PGR: variants seen among roughly 807,000 people sequenced by gnomAD.
The protein encoded by PGR is progesterone receptor.
A neutral mutation model predicts 76.1 loss-of-function variants in PGR; 25 were observed. The ratio of observed to expected loss-of-function variants is 0.33; its 90% CI spans 0.24 to 0.46. The LOEUF (loss-of-function observed/expected upper bound fraction) is 0.46, where lower values mean the gene tolerates loss of function less well. Among genes scored for constraint, PGR ranks in the 20% least tolerant of loss-of-function variants. PGR has a pLI of 1.00. For missense variants in PGR, 1,172 were observed against 1,225.3 expected, an observed-to-expected ratio of 0.96 and a Z score of 0.65; for synonymous variants, 579 against 535.0, an observed-to-expected ratio of 1.08 and a Z score of -1.14.
chr11:101,086,726 T>G lies in PGR; in HGVS notation c.1906+5034A>C, dbSNP rs565664668. Among the ~76,000 whole-genome samples, 7 of 152,276 alleles carry G rather than the reference T, an allele frequency of 4.6e-5. No individual in the cohort carries two copies. The South Asian group carries it at 1.4e-3, about 32-fold the overall frequency. ...AAGGCTCCTAAAACTGATAAATGACTTCAGTAAAGTTTCAGGACACAAAAT... is the reference window on the plus strand; with the variant it reads ...AAGGCTCCTAAAACTGATAAATGACGTCAGTAAAGTTTCAGGACACAAAAT... On this transcript the variant is annotated intron_variant, in intron 3 of 7. Transcript: ENST00000325455.
At chr11:101,062,991 A>C in intron 3 of PGR, 8 of 390,898 alleles carry the variant, frequency 2.0e-5, no homozygotes, top group Middle Eastern at 7.3e-4. Context: ...TACATCAACA[A>C]TCACTGGGTG....
At position 101,038,182 on chromosome 11, in the gene PGR, C is replaced by T. The variant is rs1859574928; in HGVS notation, c.*934G>A. On this transcript the variant is annotated 3_prime_UTR_variant, in exon 8 of 8. Coordinates refer to ENST00000325455, the MANE Select transcript of PGR (RefSeq NM_000926.4). ...GTGAATTGATACCTCCCTCCTCCTCCTCTCCCTTTCTTCTTTCCTTTGATT... is the reference window on the plus strand; with the variant it reads ...GTGAATTGATACCTCCCTCCTCCTCTTCTCCCTTTCTTCTTTCCTTTGATT... 5.2e-6 allele frequency: 1 copy of T among 191,464 alleles called. No homozygotes were observed. The highest frequency in any genetic ancestry group is 1.1e-5 in the Non-Finnish European group (1 of 91,510). The allele number at this position is 191,464 out of a possible 1,614,324, so 11.9% of individuals were successfully genotyped here.
intron 2 of PGR, among the ~76,000 whole-genome samples, chr11:101,117,848 G>A (rs1211751028): frequency 6.6e-6 from 1 of 152,118 alleles, no homozygotes; most frequent in Non-Finnish European, 1.5e-5. Flanking sequence ...ACTAACTTCT[G>A]AGTCTTTGCT....
At position 101,030,136 on chromosome 11, in the gene PGR, CTACT is replaced by C. The variant is rs1414456027; in HGVS notation, c.*8976_*8979del. On this transcript the variant is annotated 3_prime_UTR_variant, in exon 8 of 8. Coordinates refer to ENST00000325455, the MANE Select transcript of PGR (RefSeq NM_000926.4). ...TCTGGACAATGTACTTAGGGACCTACTACTTACTCAAAATAGGGTAGTAGCATTA... is the reference window on the plus strand; with the variant it reads ...TCTGGACAATGTACTTAGGGACCTACTACTCAAAATAGGGTAGTAGCATTA... 4.6e-5 allele frequency: 10 copies of C among 219,752 alleles called. No homozygotes were observed. Among genetic ancestry groups the C allele is most frequent in the Non-Finnish European group, 7.3e-5 (8 of 109,662 alleles). The allele number at this position is 219,752 out of a possible 1,614,324, so 13.6% of individuals were successfully genotyped here. A position where few individuals can be genotyped will look rare whatever the true frequency, so the allele number is the denominator to read the frequency against.
chr11:101,101,836 C>T (rs1052830893), intron 2 of PGR, among the ~76,000 whole-genome samples: 2 of 152,110 alleles, frequency 1.3e-5, no homozygotes, highest in East Asian at 1.9e-4. Context: ...AGTTTTAAAA[C>T]ATTATGAGTT....
At chr11:101,111,761 G>A (rs1862351751) in intron 2 of PGR, among the ~76,000 whole-genome samples, 1 of 152,172 alleles carries the variant, frequency 6.6e-6, no homozygotes, top group Non-Finnish European at 1.5e-5. Flanking sequence ...GAGATATTCA[G>A]TCTGGAGTTC....
chr11:101,035,793 A>G lies in PGR; in HGVS notation c.*3323T>C, dbSNP rs960026543. On this transcript the variant is annotated 3_prime_UTR_variant, in exon 8 of 8. Transcript: ENST00000325455. ...TACTTCCAGCCCTAATTTCAAATGA[A>G]TTCAACCAAATATATCATAGCACAT... 8.6e-6 allele frequency: 2 copies of G among 232,030 alleles called. No homozygotes were observed. The highest frequency in any genetic ancestry group is 2.2e-5 in the African/African-American group (1 of 45,290). The allele number at this position is 232,030 out of a possible 1,614,324, so 14.4% of individuals were successfully genotyped here.
chr11:101,122,892 T>G (rs1383392304), intron 2 of PGR, among the ~76,000 whole-genome samples: 1 of 152,196 alleles, frequency 6.6e-6, no homozygotes. Flanking sequence ...ATCCATCCTT[T>G]TATATCACAC....
chr11:101,106,246 G>A (rs866344333), intron 2 of PGR, among the ~76,000 whole-genome samples: 8 of 152,234 alleles, frequency 5.3e-5, no homozygotes, highest in Middle Eastern at 3.4e-3. Flanking sequence ...TTAAACTAAA[G>A]AACTTCTGCA....
intron 1 of PGR, among the ~76,000 whole-genome samples, chr11:101,126,460 T>C (rs1467340817): frequency 1.3e-5 from 2 of 152,222 alleles, no homozygotes; most frequent in African/African-American, 2.4e-5. Flanking sequence ...AAACTCTTTA[T>C]ATAGAAACAA....
chr11:101,091,286 A>T (rs1861666660), intron 3 of PGR, among the ~76,000 whole-genome samples: 1 of 152,242 alleles, frequency 6.6e-6, no homozygotes, highest in East Asian at 1.9e-4. Context: ...TTCCTACCCC[A>T]GTTACAGTAA....
At chr11:101,042,904 C>T (rs996654629) in intron 6 of PGR, among the ~76,000 whole-genome samples, 3 of 152,130 alleles carry the variant, frequency 2.0e-5, no homozygotes, top group South Asian at 2.1e-4. Flanking sequence ...AAAATGGTAA[C>T]AATCATCTGA....
intron 6 of PGR, among the ~76,000 whole-genome samples, chr11:101,047,709 A>C (rs1300928420): frequency 6.6e-6 from 1 of 152,124 alleles, no homozygotes; most frequent in East Asian, 1.9e-4. Context: ...GTTGTCATAG[A>C]AATCACAATG....
Position 101,051,503 on chromosome 11 carries a change from C to T in PGR, c.2278G>A (p.Val760Met), listed in dbSNP as rs1368811016. 2 of 1,609,122 alleles carry T rather than the reference C, an allele frequency of 1.2e-6. No individual in the cohort carries two copies. The highest frequency in any genetic ancestry group is 1.7e-6 in the Non-Finnish European group (2 of 1,175,826). Reference protein sequence around the residue: ...LIQYSWMSLMVFGLGWRSYKH... With the variant: ...LIQYSWMSLMMFGLGWRSYKH... ...TAGGATCTCCATCCTAGACCAAACACCATTAAGCTCATCCAAGAATACTGA... is the reference window on the plus strand; with the variant it reads ...TAGGATCTCCATCCTAGACCAAACATCATTAAGCTCATCCAAGAATACTGA... Residue 760 changes from valine (V) to methionine (M), a missense_variant, in exon 5 of 8, where the codon GTG becomes ATG. Coordinates refer to ENST00000325455, the MANE Select transcript of PGR (RefSeq NM_000926.4).
Position 101,126,056 on chromosome 11 carries a change from A to T in PGR, c.1740T>A (p.Gly580=). Residue 580 remains glycine (G), a synonymous_variant, in exon 2 of 8, where the codon GGT becomes GGA. Transcript: ENST00000325455. The stretch of plus-strand genomic sequence containing the variant: ...CCTTACAGCTCCCACAGGTAAGGAC[A>T]CCATAATGACAGCCTGATGCTTCAT... ...CGDEASGCHY[G]VLTCGSCKVF... 1 of 1,614,092 alleles carries T rather than the reference A, an allele frequency of 6.2e-7. No individual in the cohort carries two copies. The highest frequency in any genetic ancestry group is 8.5e-7 in the Non-Finnish European group (1 of 1,179,914).
chr11:101,079,374 T>A (rs1191372862), intron 3 of PGR, among the ~76,000 whole-genome samples: 1 of 152,006 alleles, frequency 6.6e-6, no homozygotes, highest in Non-Finnish European at 1.5e-5. Context: ...ACTATTCATC[T>A]GACAAGGAGT....
chr11:101,035,144 G>T lies in PGR; in HGVS notation c.*3972C>A. The T allele has an allele frequency of 4.7e-6, 1 of 211,122 alleles. No homozygotes were observed. The highest frequency in any genetic ancestry group is 9.6e-6 in the Non-Finnish European group (1 of 104,138). The allele number at this position is 211,122 out of a possible 1,614,324, so 13.1% of individuals were successfully genotyped here. A position where few individuals can be genotyped will look rare whatever the true frequency, so the allele number is the denominator to read the frequency against. On this transcript the variant is annotated 3_prime_UTR_variant, in exon 8 of 8. Coordinates refer to ENST00000325455, the MANE Select transcript of PGR (RefSeq NM_000926.4). ...CATACTTTGGGAAAAACAAACTTAT[G>T]CCATTACTTGTCTCCTTGTCCACTT...
At chr11:101,062,932 C>G in intron 3 of PGR, 180 bp from the exon 4 acceptor site, 2 of 507,484 alleles carry the variant, frequency 3.9e-6, no homozygotes, top group South Asian at 5.4e-5. Context: ...ATGTAACTAA[C>G]TCTTGATTAA....
intron 3 of PGR, among the ~76,000 whole-genome samples, chr11:101,080,367 A>T (rs192113013): frequency 2.0e-5 from 3 of 152,144 alleles, no homozygotes; most frequent in East Asian, 3.9e-4. Context: ...AAGTGAAAAG[A>T]TCCTACCCAG....
Sources: allele counts gnomAD v4.1 joint callset (sites outside exome capture counted in the v4.1 genomes callset), GRCh38; gene constraint gnomAD v4.1.1; transcripts MANE v1.5; gene names NCBI Gene and HGNC (gene_info 2026-07-23, HGNC 2026-07-21).